RCE1: variants seen among roughly 807,000 people sequenced by gnomAD.
RCE1 encodes the protein CAAX prenyl protease 2.
RCE1 carries 15 observed loss-of-function variants against 35.0 expected under a neutral mutation model. That is an observed-to-expected ratio of 0.43 (90% CI 0.29 to 0.66). The LOEUF (loss-of-function observed/expected upper bound fraction) is 0.66, where lower values mean the gene tolerates loss of function less well. Ranked by LOEUF, RCE1 falls within the 30% of genes least tolerant of loss-of-function variation. RCE1 has a pLI of 0.17. For missense variants in RCE1, 434 were observed against 433.0 expected, an observed-to-expected ratio of 1.00 and a Z score of -0.02; for synonymous variants, 261 against 192.7, an observed-to-expected ratio of 1.35 and a Z score of -2.94.
In RCE1 at chr11:66,844,081, C is replaced by T. The variant is rs151225886; in HGVS notation, c.372+42C>T. On this transcript the variant is annotated intron_variant, in intron 3 of 7. Transcript: ENST00000309657. The stretch of plus-strand genomic sequence containing the variant: ...TATTTTTTCTTCTGGTCTTTGTTAT[C>T]AGCCTGATGGGCAGTGCCGTGGACT... The T allele has an allele frequency of 8.9e-3, 14,365 of 1,613,214 alleles. 82 individuals carry two copies. Among genetic ancestry groups the T allele is most frequent in the Non-Finnish European group, 0.011 (12,740 of 1,179,338 alleles).
At chr11:66,843,726 G>T in intron 1 of RCE1, 33 bp from the exon 2 acceptor site, 1 of 1,609,018 alleles carries the variant, frequency 6.2e-7, no homozygotes, top group Middle Eastern at 1.7e-4. Flanking sequence ...ATGGGCAGCC[G>T]CGGGCCCCCT....
rs780547281 is a variant in RCE1, at chr11:66,846,113, G to A, written c.*18G>A. The A allele has an allele frequency of 8.2e-6, 13 of 1,579,294 alleles. No homozygotes were observed. Among genetic ancestry groups the A allele is most frequent in the Admixed American group, 3.5e-5 (2 of 57,472 alleles). ...GCTCCTGACCTATGCTCCTGGATAC[G>A]CTATGAACTCTCACCGGCTCCCCAG... On this transcript the variant is annotated 3_prime_UTR_variant, in exon 8 of 8. Coordinates refer to ENST00000309657, the MANE Select transcript of RCE1 (RefSeq NM_005133.3).
At position 66,844,984 on chromosome 11, in the gene RCE1, G is replaced by A. The variant is rs1355616070; in HGVS notation, c.567G>A (p.Pro189=). The A allele has an allele frequency of 3.7e-6, 6 of 1,605,542 alleles. No homozygotes were observed. The highest frequency in any genetic ancestry group is 1.3e-5 in the African/African-American group (1 of 74,714). The change falls in exon 5 of 8, where the codon CCG becomes CCA. Residue 189 remains proline, a synonymous_variant. Coordinates refer to ENST00000309657, the MANE Select transcript of RCE1 (RefSeq NM_005133.3). The part of the protein sequence containing the change: ...FRACMLPMLA[P]CMGLGPAVFT... ...CCTGTATGCTGCCCATGTTAGCACC[G>A]TGCATGGGCCTGGGCCCTGCTGTGT...
chr11:66,844,371 C>T lies in RCE1; in HGVS notation c.451+7C>T, dbSNP rs1417522092. Reference sequence around the variant, plus strand: ...GGGCTGAAGGTTGTCCTGGGTGAGTCTTAAAGGCTGAAGGGAAAAGTAGGC... The same window carrying T: ...GGGCTGAAGGTTGTCCTGGGTGAGTTTTAAAGGCTGAAGGGAAAAGTAGGC... On this transcript the variant is annotated splice_region_variant and intron_variant, in intron 4 of 7. Transcript: ENST00000309657. 3.7e-6 allele frequency: 6 copies of T among 1,614,164 alleles called. No individual in the cohort carries two copies. In the East Asian group the frequency reaches 6.7e-5, roughly 18 times the overall value.
At chr11:66,843,890 G>A (rs762633843) in intron 2 of RCE1, 29 bp downstream of exon 2, 3 of 1,613,946 alleles carry the variant, frequency 1.9e-6, no homozygotes, top group African/African-American at 1.3e-5. Flanking sequence ...AAAGGGCAAC[G>A]GCGGTGAGAG....
In RCE1 at chr11:66,843,518, CGAGTCGGCGGCGCTGGGCGGCCT is replaced by C; in HGVS notation, c.65_87del (p.Glu22GlyfsTer112). 6.7e-7 allele frequency: 1 copy of C among 1,500,600 alleles called. No individual in the cohort carries two copies. Among genetic ancestry groups the C allele is most frequent in the Non-Finnish European group, 8.8e-7 (1 of 1,134,940 alleles). 93.0% of individuals were successfully genotyped at this position (1,500,600 alleles called of 1,614,324 possible). On this transcript the variant is annotated frameshift_variant, in exon 1 of 8. Transcript: ENST00000309657. LOFTEE classifies it high-confidence loss of function. Reference sequence around the variant, plus strand: ...CGGTGTCGCGGCCGGAGCGGCCGCCCGAGTCGGCGGCGCTGGGCGGCCTGGGCCCCGGGCTGTGCTGCTGGGTG... The same window carrying C: ...CGGTGTCGCGGCCGGAGCGGCCGCCCGGGCCCCGGGCTGTGCTGCTGGGTG...
chr11:66,843,942 T>C lies in RCE1; in HGVS notation c.289-14T>C, dbSNP rs1400124251. The C allele has an allele frequency of 6.2e-7, 1 of 1,614,008 alleles. No homozygotes were observed. Among genetic ancestry groups the C allele is most frequent in the Non-Finnish European group, 8.5e-7 (1 of 1,180,036 alleles). ...GGAGGAAGCAAAACTGATGCCCCCT[T>C]TCCTGTGGCTCAGCCAGGCACATCC... On this transcript the variant is annotated splice_polypyrimidine_tract_variant and intron_variant, in intron 2 of 7. Coordinates refer to ENST00000309657, the MANE Select transcript of RCE1 (RefSeq NM_005133.3).
chr11:66,845,459 G>C (rs762457014), intron 6 of RCE1, 41 bp from the exon 7 acceptor site: 96 of 1,613,858 alleles, frequency 5.9e-5, no homozygotes, highest in Non-Finnish European at 7.5e-5. Flanking sequence ...GGGGCAGGAA[G>C]GGCGTGCAGG....
chr11:66,845,690 C>G, intron 7 of RCE1, 128 bp downstream of exon 7: 6 of 1,522,472 alleles, frequency 3.9e-6, no homozygotes, highest in Admixed American at 1.8e-5. Flanking sequence ...CCAGAGCCCT[C>G]AGCCTGGTGA....
At chr11:66,844,455 C>T (rs890031839) in intron 4 of RCE1, 91 bp downstream of exon 4, 1 of 1,484,864 alleles carries the variant, frequency 6.7e-7, no homozygotes, top group Non-Finnish European at 9.4e-7. Context: ...GATCTGGACA[C>T]GTGAAATGTC....
intron 7 of RCE1, 35 bp from the exon 8 acceptor site, chr11:66,845,825 G>GGGCT: frequency 6.2e-7 from 1 of 1,600,140 alleles, no homozygotes; most frequent in Non-Finnish European, 8.5e-7. Flanking sequence ...GGAGGTGGTA[G>GGGCT]GGCTGCTCCC....
rs1455220853 is a variant in RCE1 at position 66,843,979 on chromosome 11, G to C, written c.312G>C (p.Leu104=). 3 of 1,614,170 alleles carry C rather than the reference G, an allele frequency of 1.9e-6. No homozygotes were observed. Among genetic ancestry groups the C allele is most frequent in the South Asian group, 2.2e-5 (2 of 91,090 alleles). The change falls in exon 3 of 8, where the codon CTG becomes CTC. Residue 104 remains leucine, a synonymous_variant. Transcript: ENST00000309657. ...GIQPGTSLLT[L]MGFRLEGIFP... ...AGCCAGGCACATCCCTGCTCACCCT[G>C]ATGGGCTTCAGGCTGGAGGGCATTT...
chr11:66,846,264 C>T lies in RCE1; in HGVS notation c.*169C>T, dbSNP rs1041685992. On this transcript the variant is annotated 3_prime_UTR_variant, in exon 8 of 8. Coordinates refer to ENST00000309657, the MANE Select transcript of RCE1 (RefSeq NM_005133.3). ...GGGACCAAGAGAAAGAAGCAGATAT[C>T]CAAAGGGTGCAGCCCCTTTTGAAAG... 3.5e-6 allele frequency: 3 copies of T among 852,282 alleles called. No individual in the cohort carries two copies. Among genetic ancestry groups the T allele is most frequent in the South Asian group, 3.7e-5 (2 of 53,822 alleles). 52.8% of individuals were successfully genotyped at this position (852,282 alleles called of 1,614,324 possible). A position where few individuals can be genotyped will look rare whatever the true frequency, so the allele number is the denominator to read the frequency against.
chr11:66,846,230 T>A lies in RCE1; in HGVS notation c.*135T>A. On this transcript the variant is annotated 3_prime_UTR_variant, in exon 8 of 8. Transcript: ENST00000309657. ...GTAGGGGATTGAAGCCAGAGCTAGT[T>A]GCGTCCCAGGGACCAAGAGAAAGAA... 1 of 1,140,974 alleles carries A rather than the reference T, an allele frequency of 8.8e-7. No homozygotes were observed. Among genetic ancestry groups the A allele is most frequent in the Non-Finnish European group, 1.2e-6 (1 of 827,976 alleles). The allele number at this position is 1,140,974 out of a possible 1,614,324, so 70.7% of individuals were successfully genotyped here. A position where few individuals can be genotyped will look rare whatever the true frequency, so the allele number is the denominator to read the frequency against.
At chr11:66,845,600 C>T in intron 7 of RCE1, 38 bp downstream of exon 7, 2 of 1,612,170 alleles carry the variant, frequency 1.2e-6, no homozygotes, top group Non-Finnish European at 1.7e-6. Context: ...TGGGGGCCCA[C>T]AGGAGCGGGT....
Position 66,843,871 on chromosome 11 carries a change from A to G in RCE1, c.288+10A>G. 2 of 1,613,998 alleles carry G rather than the reference A, an allele frequency of 1.2e-6. No homozygotes were observed. Among genetic ancestry groups the G allele is most frequent in the African/African-American group, 2.7e-5 (2 of 75,012 alleles). On this transcript the variant is annotated intron_variant, in intron 2 of 7. Coordinates refer to ENST00000309657, the MANE Select transcript of RCE1 (RefSeq NM_005133.3). ...ACTCACAGGCATCCAGGTGCGAAGG[A>G]GGCGGGGCAAAGGGCAACGGCGGTG...
rs892046027 is a variant in RCE1 at position 66,846,256 on chromosome 11, G to A, written c.*161G>A. On this transcript the variant is annotated 3_prime_UTR_variant, in exon 8 of 8. Coordinates refer to ENST00000309657, the MANE Select transcript of RCE1 (RefSeq NM_005133.3). ...GCGTCCCAGGGACCAAGAGAAAGAAGCAGATATCCAAAGGGTGCAGCCCCT... is the reference window on the plus strand; with the variant it reads ...GCGTCCCAGGGACCAAGAGAAAGAAACAGATATCCAAAGGGTGCAGCCCCT... 9.7e-6 allele frequency: 9 copies of A among 924,696 alleles called. No homozygotes were observed. Among genetic ancestry groups the A allele is most frequent in the African/African-American group, 6.7e-5 (4 of 59,820 alleles). The allele number at this position is 924,696 out of a possible 1,614,324, so 57.3% of individuals were successfully genotyped here.
chr11:66,844,144 T>C (rs887802845), intron 3 of RCE1, 105 bp downstream of exon 3: 13 of 1,592,292 alleles, frequency 8.2e-6, no homozygotes, highest in East Asian at 2.2e-5. Context: ...GACAGGACTT[T>C]TGAGATGGCC....
intron 7 of RCE1, 92 bp from the exon 8 acceptor site, chr11:66,845,768 A>C: frequency 6.6e-7 from 1 of 1,522,000 alleles, no homozygotes; most frequent in African/African-American, 1.4e-5. Context: ...TGGGATCTTG[A>C]TCTCCTGTTT....
Sources: allele counts gnomAD v4.1 joint callset, GRCh38; gene constraint gnomAD v4.1.1; transcripts MANE v1.5; gene names NCBI Gene and HGNC (gene_info 2026-07-23, HGNC 2026-07-21).